The following NFIL3 variants were observed in gnomAD, a reference collection of about 807,000 sequenced individuals.
NFIL3 encodes the protein nuclear factor, interleukin 3 regulated.
In NFIL3, 5 loss-of-function variants were observed where a neutral mutation model predicts 10.0. The ratio of observed to expected loss-of-function variants is 0.50; its 90% CI spans 0.26 to 1.06. The LOEUF (loss-of-function observed/expected upper bound fraction) is 1.06. Ranked by LOEUF, NFIL3 falls within the 50% of genes least tolerant of loss-of-function variation. The pLI is 0.13. For synonymous variants in NFIL3, 202 were observed against 206.5 expected (o/e 0.98, Z 0.19); for missense variants, 436 against 547.6 (o/e 0.80, Z 2.03).
chr9:91,430,519 A>G, the NFIL3 span, among the ~76,000 whole-genome samples: 2 of 152,210 alleles, frequency 1.3e-5, no homozygotes, highest in Non-Finnish European at 2.9e-5. Context: ...GCGGTGTGGT[A>G]ACTGTCACTG....
chr9:91,474,305 A>C, the NFIL3 span, among the ~76,000 whole-genome samples: 1 of 152,068 alleles, frequency 6.6e-6, no homozygotes, highest in Non-Finnish European at 1.5e-5. Flanking sequence ...CCAGTTGTTC[A>C]TAGTATGTAA....
At chr9:91,480,094 A>AG in the NFIL3 span, among the ~76,000 whole-genome samples, 1 of 150,744 alleles carries the variant, frequency 6.6e-6, no homozygotes, top group South Asian at 2.1e-4. Context: ...AGCTGTTCCT[A>AG]TTTGGCCATC....
rs1385535022 is a variant in NFIL3, at chr9:91,409,655, T to G, written c.1080A>C (p.Lys360Asn). The G allele has an allele frequency of 1.2e-6, 2 of 1,614,196 alleles. No individual in the cohort carries two copies. Among genetic ancestry groups the G allele is most frequent in the Admixed American group, 3.3e-5 (2 of 60,022 alleles). ...TATGCTTTTCGAGTTCGAAATGTCT[T>G]TTAGATGTCATGTCAATAGGTGAGG... ...KLSSPIDMTS[K>N]RHFELEKHSA... is the part of the protein sequence containing the mutation. The change falls in exon 2 of 2, where the codon AAA becomes AAC. Residue 360 changes from lysine to asparagine, a missense_variant. By Grantham distance (94) the Lys-to-Asn change is moderately conservative (BLOSUM62 0). Coordinates refer to ENST00000297689, the MANE Select transcript of NFIL3 (RefSeq NM_005384.3).
At chr9:91,444,900 T>G in the NFIL3 span, among the ~76,000 whole-genome samples, 1 of 152,126 alleles carries the variant, frequency 6.6e-6, no homozygotes, top group African/African-American at 2.4e-5. Flanking sequence ...GGCCCACAGG[T>G]AATGGTGCTG....
chr9:91,439,897 T>G, the NFIL3 span, among the ~76,000 whole-genome samples: 1 of 152,134 alleles, frequency 6.6e-6, no homozygotes, highest in South Asian at 2.1e-4. Context: ...TTTTGGTGTG[T>G]TGTTGAATTC....
the NFIL3 span, among the ~76,000 whole-genome samples, chr9:91,449,065 G>A: frequency 1.3e-5 from 2 of 151,958 alleles, no homozygotes; most frequent in Non-Finnish European, 2.9e-5. Flanking sequence ...CTGATTTTTG[G>A]TATTGACATT....
the NFIL3 span, among the ~76,000 whole-genome samples, chr9:91,474,171 G>T: frequency 1.3e-5 from 2 of 151,174 alleles, no homozygotes; most frequent in African/African-American, 2.4e-5. Flanking sequence ...GTTGGATTTT[G>T]TCAATTGCTC....
chr9:91,427,616 G>A (rs1833885011), upstream of NFIL3, among the ~76,000 whole-genome samples: 1 of 97,066 alleles, frequency 1.0e-5, no homozygotes, highest in Admixed American at 9.6e-5. Context: ...ATAGCATACC[G>A]TTTTTGTTGT....
chr9:91,479,587 G>T, the NFIL3 span, among the ~76,000 whole-genome samples: 2 of 152,194 alleles, frequency 1.3e-5, no homozygotes, highest in Non-Finnish European at 2.9e-5. Flanking sequence ...TGGGCTCTGT[G>T]GGGGTGGGAT....
the NFIL3 span, among the ~76,000 whole-genome samples, chr9:91,436,444 GGCGGGC>G: frequency 0.096 from 14,617 of 152,152 alleles, 916 homozygotes; most frequent in African/African-American, 0.17. Flanking sequence ...CGGGCGTGGT[GGCGGGC>G]ACCTTTAGTT....
At chr9:91,482,516 T>G in the NFIL3 span, among the ~76,000 whole-genome samples, 22 of 152,152 alleles carry the variant, frequency 1.4e-4, no homozygotes, top group East Asian at 3.9e-4. Context: ...AATTTTTTTT[T>G]GGGACAGAGT....
chr9:91,454,253 A>T, the NFIL3 span, among the ~76,000 whole-genome samples: 1 of 151,754 alleles, frequency 6.6e-6, no homozygotes, highest in East Asian at 1.9e-4. Context: ...AAAAAAAAGA[A>T]TATCACAAGT....
At chr9:91,466,913 C>G in the NFIL3 span, among the ~76,000 whole-genome samples, 1 of 152,138 alleles carries the variant, frequency 6.6e-6, no homozygotes, top group Admixed American at 6.6e-5. Context: ...GAGATTCATA[C>G]TTAAATTAGC....
At chr9:91,429,805 T>G in the NFIL3 span, among the ~76,000 whole-genome samples, 11 of 152,036 alleles carry the variant, frequency 7.2e-5, no homozygotes, top group African/African-American at 2.2e-4. Flanking sequence ...GAGCCAGCTC[T>G]CGGGCAGTCA....
At chr9:91,470,612 AG>A in the NFIL3 span, among the ~76,000 whole-genome samples, 1 of 152,050 alleles carries the variant, frequency 6.6e-6, no homozygotes, top group African/African-American at 2.4e-5. Context: ...TTGTGATGTT[AG>A]GGTGTCAATT....
chr9:91,482,876 A>T, the NFIL3 span, among the ~76,000 whole-genome samples: 2 of 152,202 alleles, frequency 1.3e-5, no homozygotes, highest in South Asian at 4.1e-4. Context: ...GCACATGTAT[A>T]TAGGTAATGG....
the NFIL3 span, among the ~76,000 whole-genome samples, chr9:91,461,385 G>T: frequency 2.0e-5 from 3 of 152,150 alleles, no homozygotes; most frequent in African/African-American, 7.2e-5. Flanking sequence ...TGTGTATGTG[G>T]GGTAAGGATT....
chr9:91,423,655 G>T lies in NFIL3; in HGVS notation c.-188C>A. 6.8e-6 allele frequency: 1 copy of T among 146,114 alleles called. No individual in the cohort carries two copies. The highest frequency in any genetic ancestry group is 2.1e-4 in the South Asian group (1 of 4,872). 9.1% of individuals were successfully genotyped at this position (146,114 alleles called of 1,614,324 possible). On this transcript the variant is annotated 5_prime_UTR_variant, in exon 1 of 2. Coordinates refer to ENST00000297689, the MANE Select transcript of NFIL3 (RefSeq NM_005384.3). ...GAGCGCTTACCGTGTTCCTGCTCTC[G>T]GGCCGGCGAGGAGAAAGAAAGGGGC... is the stretch of plus-strand genomic sequence containing the variant.
upstream of NFIL3, among the ~76,000 whole-genome samples, chr9:91,427,980 G>C (rs1057454279): frequency 2.6e-5 from 4 of 152,084 alleles, no homozygotes; most frequent in African/African-American, 9.7e-5. Flanking sequence ...TAAGATGTGA[G>C]CTAGCATGGT....
Sources: gnomAD v4.1 joint callset for allele counts (sites outside exome capture counted in the v4.1 genomes callset) on GRCh38, gnomAD v4.1.1 for gene constraint, MANE v1.5 for transcripts, NCBI Gene and HGNC (gene_info 2026-07-23, HGNC 2026-07-21) for gene names.